Variants in CDH23 observed in about 807,000 individuals in gnomAD.
CDH23 encodes the protein cadherin related 23, also known as cadherin-23.
A neutral mutation model predicts 317.1 loss-of-function variants in CDH23; 189 were observed. The ratio of observed to expected loss-of-function variants is 0.60; its 90% CI spans 0.53 to 0.67. The LOEUF is 0.67. CDH23 is among the 30% of genes least tolerant of loss of function. CDH23 has a pLI of 0.00. For missense variants in CDH23, 4,401 were observed against 4,592.4 expected, an observed-to-expected ratio of 0.96 and a Z score of 1.20; for synonymous variants, 1,839 against 1,876.8, an observed-to-expected ratio of 0.98 and a Z score of 0.52.
intron 18 of CDH23, among the ~76,000 whole-genome samples, chr10:71,686,365 G>A (rs1864896399): frequency 1.3e-5 from 2 of 152,068 alleles, no homozygotes; most frequent in South Asian, 2.1e-4. Flanking sequence ...TCCTGAGACT[G>A]CTGGGTATCT....
chr10:71,641,091 A>G (rs1339465417), intron 11 of CDH23, among the ~76,000 whole-genome samples: 1 of 152,160 alleles, frequency 6.6e-6, no homozygotes. Context: ...TGGCCAGTGG[A>G]GAACTACCCC....
intron 3 of CDH23, among the ~76,000 whole-genome samples, chr10:71,484,405 C>T (rs1397027313): frequency 6.6e-6 from 1 of 152,190 alleles, no homozygotes; most frequent in African/African-American, 2.4e-5. Context: ...AGGAGGTGTT[C>T]CTCCAACCCA....
intron 38 of CDH23, among the ~76,000 whole-genome samples, chr10:71,743,287 G>T (rs984871563): frequency 6.6e-6 from 1 of 152,214 alleles, no homozygotes; most frequent in Non-Finnish European, 1.5e-5. Context: ...GACCCTGATT[G>T]CAAATGAGGC....
At chr10:71,609,410 C>T (rs1334839736) in intron 9 of CDH23, among the ~76,000 whole-genome samples, 1 of 152,140 alleles carries the variant, frequency 6.6e-6, no homozygotes, top group African/African-American at 2.4e-5. Flanking sequence ...ACACCAAACT[C>T]TGGGCAGCAG....
chr10:71,427,204 A>AGAAAGAAAGAAAGAAAGAAC (rs1849126024), intron 1 of CDH23, among the ~76,000 whole-genome samples: 1 of 132,864 alleles, frequency 7.5e-6, no homozygotes, highest in Non-Finnish European at 1.6e-5. Context: ...AGAGAAAGAA[A>AGAAAGAAAGAAAGAAAGAAC]GAAAGAAAGA....
chr10:71,634,201 C>T (rs942774903), intron 11 of CDH23, among the ~76,000 whole-genome samples: 6 of 152,206 alleles, frequency 3.9e-5, no homozygotes, highest in African/African-American at 7.2e-5. Flanking sequence ...GTGAGGCCAG[C>T]GAGTACTCCC....
chr10:71,620,848 C>T (rs1221516533), intron 11 of CDH23, among the ~76,000 whole-genome samples: 5 of 152,332 alleles, frequency 3.3e-5, no homozygotes, highest in South Asian at 4.1e-4. Context: ...CATGTGGCAC[C>T]GGGCTCATTC....
At chr10:71,777,392 A>C (rs1356778718) in intron 38 of CDH23, among the ~76,000 whole-genome samples, 2 of 151,132 alleles carry the variant, frequency 1.3e-5, no homozygotes, top group East Asian at 3.9e-4. Context: ...CCAAGTTTGC[A>C]TCTGGCCTCA....
chr10:71,693,997 A>G, intron 20 of CDH23, 150 bp from the exon 21 acceptor site: 1 of 703,170 alleles, frequency 1.4e-6, no homozygotes. Context: ...CCAGCTCAGG[A>G]ACACATCCAG....
At chr10:71,471,167 G>A (rs886950039) in intron 3 of CDH23, among the ~76,000 whole-genome samples, 1 of 152,096 alleles carries the variant, frequency 6.6e-6, no homozygotes, top group South Asian at 2.1e-4. Context: ...TCATGCACTC[G>A]CCCACTCTTG....
chr10:71,638,428 CGTT>C (rs940875792), intron 11 of CDH23, among the ~76,000 whole-genome samples: 21 of 152,320 alleles, frequency 1.4e-4, no homozygotes, highest in African/African-American at 4.8e-4. Context: ...CTGCAGGCCT[CGTT>C]GTGCTGGAGG....
At chr10:71,713,479 G>A (rs1866075599) in intron 28 of CDH23, 8 of 577,386 alleles carry the variant, frequency 1.4e-5, no homozygotes, top group South Asian at 4.1e-5. Flanking sequence ...GCAGGCTCCC[G>A]GGCTTGGGAG....
intron 6 of CDH23, among the ~76,000 whole-genome samples, chr10:71,537,772 C>A (rs1244518712): frequency 2.0e-5 from 3 of 152,220 alleles, no homozygotes; most frequent in African/African-American, 7.2e-5. Flanking sequence ...TGAGTTTGGG[C>A]CCACGCTGTG....
At chr10:71,810,414 C>A in intron 61 of CDH23, 58 bp from the exon 62 acceptor site, 1 of 1,503,742 alleles carries the variant, frequency 6.7e-7, no homozygotes, top group Non-Finnish European at 9.3e-7. Flanking sequence ...AGAGGCCTGC[C>A]CATCCCTGTG....
intron 9 of CDH23, among the ~76,000 whole-genome samples, chr10:71,587,851 T>C (rs2132434532): frequency 6.6e-6 from 1 of 152,384 alleles, no homozygotes; most frequent in South Asian, 2.1e-4. Context: ...TTTATTTATC[T>C]AGCTTGATAC....
chr10:71,704,064 G>A (rs1865689092), intron 24 of CDH23, among the ~76,000 whole-genome samples: 1 of 152,202 alleles, frequency 6.6e-6, no homozygotes, highest in Admixed American at 6.5e-5. Context: ...CCAGGGGGTA[G>A]AGCTGTGCGC....
At chr10:71,518,841 A>G (rs1220155065) in intron 6 of CDH23, among the ~76,000 whole-genome samples, 2 of 152,168 alleles carry the variant, frequency 1.3e-5, no homozygotes, top group Admixed American at 6.5e-5. Flanking sequence ...CCACACACTC[A>G]GAAGCTGCTT....
intron 27 of CDH23, among the ~76,000 whole-genome samples, chr10:71,709,749 C>G (rs1165819484): frequency 6.6e-6 from 1 of 152,156 alleles, no homozygotes; most frequent in Non-Finnish European, 1.5e-5. Flanking sequence ...GCTGGCGCTG[C>G]CTCCTGTGTG....
Position 71,799,558 on chromosome 10 carries a change from TC to T in CDH23, c.7292del (p.Ser2431Ter). On this transcript the variant is annotated frameshift_variant, in exon 52 of 70. Coordinates refer to ENST00000224721, the MANE Select transcript of CDH23 (RefSeq NM_022124.6). LOFTEE classifies it high-confidence loss of function. The part of the protein sequence containing the change: ...ILTVTATDAD[S>X]GNFALIEYSL... ...GACAGTCACTGCCACTGATGCTGAC[TC>T]AGGCAACTTTGCACTCATTGAGTAC... 6.2e-7 allele frequency: 1 copy of T among 1,614,072 alleles called. No homozygotes were observed.
Sources: gnomAD v4.1 joint callset for allele counts (sites outside exome capture counted in the v4.1 genomes callset) on GRCh38, gnomAD v4.1.1 for gene constraint, MANE v1.5 for transcripts, NCBI Gene and HGNC (gene_info 2026-07-23, HGNC 2026-07-21) for gene names.